Variants in FGD5 observed in about 807,000 individuals in gnomAD.
FGD5 encodes the protein FYVE, RhoGEF and PH domain containing 5, also known as FYVE, RhoGEF and PH domain-containing protein 5.
FGD5 carries 28 observed loss-of-function variants against 133.4 expected under a neutral mutation model. The observed-to-expected ratio is 0.21, with a 90% CI of 0.16 to 0.29. The LOEUF is 0.29. FGD5 is among the 10% of genes least tolerant of loss of function. The pLI, the probability that FGD5 is intolerant of heterozygous loss-of-function variation, is 1.00. For missense variants in FGD5, 1,858 were observed against 1,895.2 expected, an observed-to-expected ratio of 0.98 and a Z score of 0.36; for synonymous variants, 810 against 776.5, an observed-to-expected ratio of 1.04 and a Z score of -0.72.
At chr3:14,862,082 G>A (rs2037410407) in intron 1 of FGD5, among the ~76,000 whole-genome samples, 1 of 152,176 alleles carries the variant, frequency 6.6e-6, no homozygotes, top group Admixed American at 6.5e-5. Flanking sequence ...TGGGAGGAAG[G>A]TAAGCCTGAC....
At chr3:14,847,157 G>A (rs549449199) in intron 1 of FGD5, among the ~76,000 whole-genome samples, 11 of 152,216 alleles carry the variant, frequency 7.2e-5, no homozygotes, top group African/African-American at 2.6e-4. Context: ...GCTTATCCTC[G>A]AAGATGAGTT....
At chr3:14,871,230 G>A (rs1354121738) in intron 2 of FGD5, among the ~76,000 whole-genome samples, 1 of 152,228 alleles carries the variant, frequency 6.6e-6, no homozygotes, top group Admixed American at 6.5e-5. Flanking sequence ...TTCCCTGGCA[G>A]TCGTTCCAGG....
At chr3:14,855,015 A>T (rs1305852946) in intron 1 of FGD5, among the ~76,000 whole-genome samples, 1 of 150,926 alleles carries the variant, frequency 6.6e-6, no homozygotes. Flanking sequence ...TCCTCACCTT[A>T]CTCCTATCCT....
At chr3:14,866,838 T>C (rs79674338) in intron 2 of FGD5, among the ~76,000 whole-genome samples, 14,137 of 150,200 alleles carry the variant, frequency 0.094, 825 homozygotes, top group East Asian at 0.3. Flanking sequence ...ATGTGTCCTG[T>C]GGGGGCCAGA....
intron 2 of FGD5, among the ~76,000 whole-genome samples, chr3:14,876,528 A>G (rs1157718349): frequency 6.6e-6 from 1 of 151,938 alleles, no homozygotes; most frequent in Non-Finnish European, 1.5e-5. Flanking sequence ...CAAAAAATAA[A>G]TAAATAAATA....
intron 1 of FGD5, among the ~76,000 whole-genome samples, chr3:14,831,837 A>C (rs775348532): frequency 2.5e-4 from 38 of 152,228 alleles, no homozygotes; most frequent in Non-Finnish European, 4.9e-4. Flanking sequence ...CCGAACATCA[A>C]GGGGTCAAGA....
chr3:14,923,805 G>A (rs747552061), intron 16 of FGD5, among the ~76,000 whole-genome samples: 3 of 152,172 alleles, frequency 2.0e-5, no homozygotes, highest in Non-Finnish European at 2.9e-5. Flanking sequence ...GCTGTCCAGC[G>A]CCCTGGAAAA....
intron 4 of FGD5, among the ~76,000 whole-genome samples, chr3:14,886,162 C>T (rs959099267): frequency 2.0e-5 from 3 of 152,338 alleles, no homozygotes; most frequent in Admixed American, 2.0e-4. Context: ...TTGGCTGCTG[C>T]AGTTTTAACC....
chr3:14,932,743 A>ACT lies in FGD5; in HGVS notation c.4352+13_4352+14dup. The ACT allele has an allele frequency of 6.2e-7, 1 of 1,609,736 alleles. No homozygotes were observed. Among genetic ancestry groups the ACT allele is most frequent in the Non-Finnish European group, 8.5e-7 (1 of 1,178,680 alleles). On this transcript the variant is annotated intron_variant, in intron 19 of 19. Coordinates refer to ENST00000285046, the MANE Select transcript of FGD5 (RefSeq NM_152536.4). ...AATTCAGCTCAGAGGTACGAAAAGA[A>ACT]CTAATTAGTCTTATAGCTTTTTGTT...
intron 2 of FGD5, among the ~76,000 whole-genome samples, chr3:14,868,937 A>G (rs911583541): frequency 6.6e-6 from 1 of 152,124 alleles, no homozygotes; most frequent in Non-Finnish European, 1.5e-5. Context: ...CATTCTAGAG[A>G]AGGGGATGGA....
chr3:14,880,511 G>A, intron 2 of FGD5, 61 bp from the exon 3 acceptor site: 1 of 1,552,192 alleles, frequency 6.4e-7, no homozygotes, highest in Non-Finnish European at 8.8e-7. Flanking sequence ...CAGCAGCATG[G>A]TGGCCTCCTC....
chr3:14,921,374 C>T (rs1044163887), intron 13 of FGD5: 1 of 158,156 alleles, frequency 6.3e-6, no homozygotes. Context: ...GGCACCCAGC[C>T]CAGGCGTAGC....
rs760216869 is a variant in FGD5 at position 14,898,446 on chromosome 3, G to T, written c.3067-293G>T. Reference sequence around the variant, plus strand: ...ACTGGGGATCTAGTTTTCCTGGGCAGAAAAAGGGGGAGCTTTCCTCCATTG... The same window carrying T: ...ACTGGGGATCTAGTTTTCCTGGGCATAAAAAGGGGGAGCTTTCCTCCATTG... On this transcript the variant is annotated intron_variant, in intron 6 of 19. Transcript: ENST00000285046. Among the ~76,000 whole-genome samples the T allele has an allele frequency of 1.7e-4, 26 of 152,280 alleles. No homozygotes were observed. In the Middle Eastern group the frequency reaches 0.017, roughly 100 times the overall value.
chr3:14,868,097 G>A (rs1047454656), intron 2 of FGD5, among the ~76,000 whole-genome samples: 2 of 152,120 alleles, frequency 1.3e-5, no homozygotes, highest in Non-Finnish European at 2.9e-5. Flanking sequence ...AAGGAAAGAG[G>A]AAGGGAGAGA....
intron 1 of FGD5, 141 bp from the exon 2 acceptor site, chr3:14,863,987 G>T (rs1454023132): frequency 3.3e-6 from 4 of 1,195,180 alleles, no homozygotes; most frequent in African/African-American, 3.1e-5. Flanking sequence ...CAGTGTGGCT[G>T]GGGGTGGGGA....
At chr3:14,836,930 A>G (rs898934801) in intron 1 of FGD5, among the ~76,000 whole-genome samples, 1 of 152,176 alleles carries the variant, frequency 6.6e-6, no homozygotes, top group African/African-American at 2.4e-5. Flanking sequence ...CGACCTGAAG[A>G]AGGGAAGGAA....
chr3:14,931,049 A>G (rs1220580248), intron 18 of FGD5: 2 of 151,980 alleles, frequency 1.3e-5, no homozygotes, highest in African/African-American at 2.4e-5. Flanking sequence ...TCCTTAATGT[A>G]ATAGTTATGG....
rs748006378 is a variant in FGD5, at chr3:14,820,275, G to A, written c.1204G>A (p.Gly402Ser). The change falls in exon 1 of 20, where the codon GGT (glycine) becomes AGT (serine). Residue 402 changes from glycine to serine, a missense_variant. Gly to Ser is a moderately conservative substitution (Grantham distance 56). This residue lies in a region of FGD5 where 1,824 missense variants were observed against 1,848.9 expected (regional missense o/e 0.99). Coordinates refer to ENST00000285046, the MANE Select transcript of FGD5 (RefSeq NM_152536.4). ...ALCGQCGSLQ[G>S]GAAEGPAAPD... is the part of the protein sequence containing the mutation. ...GTGTGGCCAGTGTGGCTCCCTACAG[G>A]GTGGAGCGGCCGAGGGTCCCGCAGC... 37 of 1,605,262 alleles carry A rather than the reference G, an allele frequency of 2.3e-5. No individual in the cohort carries two copies. The highest frequency in any genetic ancestry group is 3.1e-5 in the Non-Finnish European group (37 of 1,175,490).
intron 11 of FGD5, among the ~76,000 whole-genome samples, 195 bp downstream of exon 11, chr3:14,911,124 T>G (rs1460766878): frequency 6.6e-6 from 1 of 152,206 alleles, no homozygotes; most frequent in Non-Finnish European, 1.5e-5. Context: ...GTTATTTGAA[T>G]GATTTTGAGT....
Sources: gnomAD v4.1 joint callset for allele counts (sites outside exome capture counted in the v4.1 genomes callset) on GRCh38, gnomAD v4.1.1 for gene constraint, gnomAD v4.1.1 regional missense constraint, MANE v1.5 for transcripts, NCBI Gene and HGNC (gene_info 2026-07-23, HGNC 2026-07-21) for gene names.